Variants in VARS1 observed in about 807,000 individuals in gnomAD.
The protein encoded by VARS1 is valine--tRNA ligase.
Under a neutral mutation model 161.0 loss-of-function variants are expected in VARS1, and 92 were observed. The observed-to-expected ratio is 0.57, with a 90% CI of 0.48 to 0.68. VARS1 has a LOEUF of 0.68. Ranked by LOEUF, VARS1 falls within the 30% of genes least tolerant of loss-of-function variation. VARS1 has a pLI of 0.00. For missense variants in VARS1, 1,338 were observed against 1,695.9 expected (o/e 0.79, Z 3.71); for synonymous variants, 595 against 682.5 (o/e 0.87, Z 2.00).
Position 31,784,123 on chromosome 6 carries a change from A to T in VARS1, c.1671+91T>A. 1 of 1,447,228 alleles carries T rather than the reference A, an allele frequency of 6.9e-7. No homozygotes were observed. Among genetic ancestry groups the T allele is most frequent in the Non-Finnish European group, 9.6e-7 (1 of 1,046,266 alleles). The allele number at this position is 1,447,228 out of a possible 1,614,324, so 89.6% of individuals were successfully genotyped here. A position where few individuals can be genotyped will look rare whatever the true frequency, so the allele number is the denominator to read the frequency against. ...GTTTCTAACCCAGTTTCCTCTCCTC[A>T]GCCAGGGGCCTAAGTCCAACCCCTC... is the stretch of plus-strand genomic sequence containing the variant. On this transcript the variant is annotated intron_variant, in intron 13 of 29. Coordinates refer to ENST00000375663, the MANE Select transcript of VARS1 (RefSeq NM_006295.3). This position sits in a 1 kb window ranked among gnomAD's most constrained non-coding sequence, Gnocchi z 6.1.
intron 8 of VARS1, among the ~76,000 whole-genome samples, chr6:31,790,052 T>TA (rs1437256663): frequency 6.7e-6 from 1 of 148,328 alleles, no homozygotes; most frequent in South Asian, 2.1e-4. Context: ...AATAAATAAA[T>TA]AATAAAAATA....
At chr6:31,792,631 C>G (rs1167569312) in intron 4 of VARS1, 115 bp from the exon 5 acceptor site, 2 of 1,592,166 alleles carry the variant, frequency 1.3e-6, no homozygotes, top group Non-Finnish European at 1.7e-6. Flanking sequence ...GCTGACCTCC[C>G]CCCTCTCCCT....
chr6:31,793,178 C>A, intron 2 of VARS1, 58 bp from the exon 3 acceptor site: 1 of 1,533,870 alleles, frequency 6.5e-7, no homozygotes, highest in Non-Finnish European at 8.7e-7. Context: ...TCTCCCACCA[C>A]AACCCAATCC....
intron 8 of VARS1, among the ~76,000 whole-genome samples, chr6:31,789,314 C>T (rs932619095): frequency 6.6e-6 from 1 of 151,938 alleles, no homozygotes. Flanking sequence ...AAGATAGATA[C>T]AGACAATTCA....
chr6:31,784,706 TGA>T lies in VARS1; in HGVS notation c.1354_1355del (p.Ala453SerfsTer23). ...RACFTMDPKL[S>X]AAVTEAFVRL... ...GGACAAAGGCCTCTGTCACAGCTGC[TGA>T]GAGTTTCTGGGGTGGAGGAGGGAGA... On this transcript the variant is annotated frameshift_variant, in exon 11 of 30. Coordinates refer to ENST00000375663, the MANE Select transcript of VARS1 (RefSeq NM_006295.3). LOFTEE classifies it high-confidence loss of function. This position sits in a 1 kb window ranked among gnomAD's most constrained non-coding sequence, Gnocchi z 6.1. 3.1e-6 allele frequency: 5 copies of T among 1,612,962 alleles called. No homozygotes were observed. Among genetic ancestry groups the T allele is most frequent in the African/African-American group, 2.7e-5 (2 of 75,010 alleles).
rs964598283 is a variant in VARS1, at chr6:31,795,351, C to T, written c.-33-101G>A. ...CGGGAGCTCCTTCGCCGCAGACACCCGAGTCCCATAGGACTGAGGGTCTGA... is the reference window on the plus strand; with the variant it reads ...CGGGAGCTCCTTCGCCGCAGACACCTGAGTCCCATAGGACTGAGGGTCTGA... On this transcript the variant is annotated intron_variant, in intron 1 of 29. Coordinates refer to ENST00000375663, the MANE Select transcript of VARS1 (RefSeq NM_006295.3). This position sits in a 1 kb window ranked among gnomAD's most constrained non-coding sequence, Gnocchi z 6.9. 3.6e-6 allele frequency: 3 copies of T among 830,464 alleles called. No individual in the cohort carries two copies. In the African/African-American group the frequency reaches 5.2e-5, roughly 14 times the overall value. 51.4% of individuals were successfully genotyped at this position (830,464 alleles called of 1,614,324 possible).
At position 31,784,088 on chromosome 6, in the gene VARS1, C is replaced by T; in HGVS notation, c.1671+126G>A. 1 of 1,054,170 alleles carries T rather than the reference C, an allele frequency of 9.5e-7. No individual in the cohort carries two copies. The highest frequency in any genetic ancestry group is 1.4e-6 in the Non-Finnish European group (1 of 705,390). 65.3% of individuals were successfully genotyped at this position (1,054,170 alleles called of 1,614,324 possible). A position where few individuals can be genotyped will look rare whatever the true frequency, so the allele number is the denominator to read the frequency against. On this transcript the variant is annotated intron_variant, in intron 13 of 29. Transcript: ENST00000375663. This position sits in a 1 kb window ranked among gnomAD's most constrained non-coding sequence, Gnocchi z 6.1. ...TCTACCCTCAGAGCTGGGAAAGAAG[C>T]TGAAGACCAGTTTCTAACCCAGTTT...
Position 31,785,206 on chromosome 6 carries a change from C to T in VARS1, c.1347+40G>A. 6.2e-7 allele frequency: 1 copy of T among 1,611,100 alleles called. No homozygotes were observed. The highest frequency in any genetic ancestry group is 8.5e-7 in the Non-Finnish European group (1 of 1,178,282). ...CTGTGGGGGTCCCACCCTGGGGAGA[C>T]TCCTACTCCTGCCCCAGCTTTGACA... On this transcript the variant is annotated intron_variant, in intron 10 of 29. Coordinates refer to ENST00000375663, the MANE Select transcript of VARS1 (RefSeq NM_006295.3). The surrounding 1 kb of genome is among the most constrained non-coding windows in gnomAD (Gnocchi z 6.1).
chr6:31,787,419 C>T (rs995236632), intron 8 of VARS1, among the ~76,000 whole-genome samples: 1 of 151,358 alleles, frequency 6.6e-6, no homozygotes, highest in African/African-American at 2.4e-5. Context: ...CCGAGGCAGG[C>T]GGCTTACTTC....
At chr6:31,788,328 C>G (rs1243642728) in intron 8 of VARS1, among the ~76,000 whole-genome samples, 1 of 151,236 alleles carries the variant, frequency 6.6e-6, no homozygotes, top group Non-Finnish European at 1.5e-5. Context: ...GGTGAAACCC[C>G]GTCTCTACTA....
intron 8 of VARS1, among the ~76,000 whole-genome samples, chr6:31,787,659 A>C (rs1190176459): frequency 6.6e-6 from 1 of 151,182 alleles, no homozygotes; most frequent in Non-Finnish European, 1.5e-5. Flanking sequence ...AAAAAAAAAA[A>C]AGTAGTCATT....
At position 31,791,943 on chromosome 6, in the gene VARS1, G is replaced by A. The variant is rs760723729; in HGVS notation, c.900C>T (p.Tyr300=). The part of the protein sequence containing the change: ...KDVSGPMPDS[Y]SPRYVEAAWY... The stretch of plus-strand genomic sequence containing the variant: ...AGGCAGCCTCCACATACCGAGGGCT[G>A]TAGGAGTCGGGCATGGGGCCACTGA... Residue 300 remains tyrosine, a synonymous_variant, in exon 7 of 30, where the codon TAC becomes TAT. Coordinates refer to ENST00000375663, the MANE Select transcript of VARS1 (RefSeq NM_006295.3). This position sits in a 1 kb window ranked among gnomAD's most constrained non-coding sequence, Gnocchi z 5.0. The A allele has an allele frequency of 3.7e-6, 6 of 1,600,940 alleles. No individual in the cohort carries two copies. Among genetic ancestry groups the A allele is most frequent in the Admixed American group, 1.7e-5 (1 of 59,090 alleles).
In VARS1 at chr6:31,779,259, G is replaced by T. The variant is rs1250081822; in HGVS notation, c.3434C>A (p.Ala1145Asp). 1.2e-6 allele frequency: 2 copies of T among 1,604,104 alleles called. No homozygotes were observed. Among genetic ancestry groups the T allele is most frequent in the East Asian group, 2.2e-5 (1 of 44,846 alleles). Residue 1145 changes from alanine to aspartate, a missense_variant, in exon 29 of 30, where the codon GCC becomes GAC. Ala to Asp is a moderately radical substitution (Grantham distance 126). This residue lies in a region of VARS1 where 433 missense variants were observed against 586.2 expected (regional missense o/e 0.74). Coordinates refer to ENST00000375663, the MANE Select transcript of VARS1 (RefSeq NM_006295.3). This position sits in a 1 kb window ranked among gnomAD's most constrained non-coding sequence, Gnocchi z 9.1. ...FLEVADEATG[A>D]LASAVSGYVQ... is the part of the protein sequence containing the mutation. ...GTAGCCCGACACCGCCGATGCCAGG[G>T]CGCCCGTGGCCTCATCCGCCACTTC...
chr6:31,782,702 T>C lies in VARS1; in HGVS notation c.1887+19A>G, dbSNP rs1178826871. On this transcript the variant is annotated intron_variant, in intron 15 of 29. Coordinates refer to ENST00000375663, the MANE Select transcript of VARS1 (RefSeq NM_006295.3). This position sits in a 1 kb window ranked among gnomAD's most constrained non-coding sequence, Gnocchi z 8.3. ...CTCCATCTCCCTGACCCGGGCACTC[T>C]TGCCTCAGGCAGCCTCACCAGGAAA... The C allele has an allele frequency of 1.2e-6, 2 of 1,613,004 alleles. No individual in the cohort carries two copies. Among genetic ancestry groups the C allele is most frequent in the Non-Finnish European group, 1.7e-6 (2 of 1,179,970 alleles).
At chr6:31,792,585 A>T in intron 4 of VARS1, 69 bp from the exon 5 acceptor site, 2 of 1,609,584 alleles carry the variant, frequency 1.2e-6, no homozygotes, top group Admixed American at 1.7e-5. Flanking sequence ...ACTAGGTTTC[A>T]GATGGGGTAT....
chr6:31,795,106 G>T lies in VARS1; in HGVS notation c.112C>A (p.Pro38Thr), dbSNP rs1177315765. ...GEGPGWGGAH[P>T]RICLQPPPTS... ...GGGGGTGGCTGGAGACAGATGCGGG[G>T]GTGGGCTCCTCCCCATCCGGGACCC... is the stretch of plus-strand genomic sequence containing the variant. Residue 38 changes from proline to threonine, a missense_variant, in exon 2 of 30, where the codon CCC (proline) becomes ACC (threonine). By Grantham distance (38) the Pro-to-Thr change is conservative. Around this residue, in one of 3 missense-constraint regions of VARS1, gnomAD observed 902 missense variants for 1,090.3 expected, o/e 0.83. Coordinates refer to ENST00000375663, the MANE Select transcript of VARS1 (RefSeq NM_006295.3). This position sits in a 1 kb window ranked among gnomAD's most constrained non-coding sequence, Gnocchi z 6.9. 1 of 1,487,938 alleles carries T rather than the reference G, an allele frequency of 6.7e-7. No individual in the cohort carries two copies. Among genetic ancestry groups the T allele is most frequent in the African/African-American group, 1.4e-5 (1 of 71,650 alleles). The allele number at this position is 1,487,938 out of a possible 1,614,324, so 92.2% of individuals were successfully genotyped here. A position where few individuals can be genotyped will look rare whatever the true frequency, so the allele number is the denominator to read the frequency against.
At chr6:31,787,946 G>A (rs769154736) in intron 8 of VARS1, among the ~76,000 whole-genome samples, 36 of 151,696 alleles carry the variant, frequency 2.4e-4, no homozygotes, top group Admixed American at 7.9e-4. Flanking sequence ...GTGAAACCCC[G>A]TCTCTACTAA....
chr6:31,781,079 C>T lies in VARS1; in HGVS notation c.2589G>A (p.Met863Ile). The change falls in exon 22 of 30, where the codon ATG (methionine) becomes ATA (isoleucine). Residue 863 changes from methionine (M) to isoleucine (I), a missense_variant. Coordinates refer to ENST00000375663, the MANE Select transcript of VARS1 (RefSeq NM_006295.3). The surrounding 1 kb of genome is among the most constrained non-coding windows in gnomAD (Gnocchi z 6.8). ...AIVRDAHGRK[M>I]SKSLGNVIDP... ...CGATGACATTGCCTAGAGACTTGCT[C>T]ATCTTCCGGCCGTGAGCATCTCGCA... The T allele has an allele frequency of 6.2e-7, 1 of 1,613,542 alleles. No homozygotes were observed. Among genetic ancestry groups the T allele is most frequent in the Non-Finnish European group, 8.5e-7 (1 of 1,179,996 alleles).
chr6:31,791,868 C>T lies in VARS1; in HGVS notation c.972+3G>A, dbSNP rs113683625. 4.5e-5 allele frequency: 72 copies of T among 1,610,392 alleles called. 1 individual carries two copies. The African/African-American group carries it at 6.5e-4, about 15-fold the overall frequency. ...CTGGGCCTGGGCAGCAGTGCCTACT[C>T]ACCCCATACTCTGGCTTGAAGAAGC... On this transcript the variant is annotated splice_donor_region_variant and intron_variant, in intron 7 of 29. Transcript: ENST00000375663. This position sits in a 1 kb window ranked among gnomAD's most constrained non-coding sequence, Gnocchi z 5.0.
Sources: gnomAD v4.1 joint callset for allele counts (sites outside exome capture counted in the v4.1 genomes callset) on GRCh38, gnomAD v4.1.1 for gene constraint, gnomAD v4.1.1 regional missense constraint, Gnocchi (gnomAD v3.1) non-coding constraint, MANE v1.5 for transcripts, NCBI Gene and HGNC (gene_info 2026-07-23, HGNC 2026-07-21) for gene names.